SEMA6D: variants seen among roughly 807,000 people sequenced by gnomAD.
SEMA6D encodes semaphorin 6D, also known as semaphorin-6D.
SEMA6D carries 35 observed loss-of-function variants against 106.6 expected under a neutral mutation model. The observed-to-expected ratio is 0.33, with a 90% CI of 0.25 to 0.44. SEMA6D has a LOEUF of 0.44. Among genes scored for constraint, SEMA6D ranks in the 20% least tolerant of loss-of-function variants. The pLI is 1.00. For synonymous variants in SEMA6D, 499 were observed against 487.7 expected (o/e 1.02, Z -0.31); for missense variants, 1,185 against 1,345.9 (o/e 0.88, Z 1.87).
intron 1 of SEMA6D, among the ~76,000 whole-genome samples, chr15:47,348,727 C>CAGAGAGAGAGAGAGAGAGAG (rs55719976): frequency 0.012 from 670 of 56,966 alleles, 75 homozygotes; most frequent in Non-Finnish European, 0.019. Context: ...ACCACACACA[C>CAGAGAGAGAGAGAGAGAGAG]AGAGAGAGAG....
intron 1 of SEMA6D, among the ~76,000 whole-genome samples, chr15:47,735,670 G>A (rs1369199590): frequency 6.6e-6 from 1 of 152,142 alleles, no homozygotes; most frequent in South Asian, 2.1e-4. Context: ...AAGATCACAA[G>A]AGAATGTGAT....
At chr15:47,719,322 G>C (rs1210838179) in intron 1 of SEMA6D, among the ~76,000 whole-genome samples, 2 of 152,130 alleles carry the variant, frequency 1.3e-5, no homozygotes, top group African/African-American at 4.8e-5. Context: ...GCAGCACATC[G>C]TTACTATAGA....
intron 1 of SEMA6D, among the ~76,000 whole-genome samples, chr15:47,316,249 C>T (rs539813115): frequency 2.6e-4 from 39 of 151,858 alleles, no homozygotes; most frequent in African/African-American, 7.0e-4. Flanking sequence ...CCCGCCACCA[C>T]GCCTAGCTAA....
chr15:47,503,728 T>A (rs2043941928), intron 3 of SEMA6D, among the ~76,000 whole-genome samples: 1 of 148,216 alleles, frequency 6.7e-6, no homozygotes, highest in African/African-American at 2.5e-5. Context: ...TTCACACAAA[T>A]CCCTGTATGT....
At chr15:47,508,012 A>G (rs2141719817) in intron 3 of SEMA6D, among the ~76,000 whole-genome samples, 1 of 152,324 alleles carries the variant, frequency 6.6e-6, no homozygotes, top group East Asian at 1.9e-4. Flanking sequence ...TCAGTTCTTA[A>G]TATCATAACC....
intron 4 of SEMA6D, among the ~76,000 whole-genome samples, chr15:47,671,031 A>G (rs1364366982): frequency 6.6e-6 from 1 of 152,182 alleles, no homozygotes; most frequent in Non-Finnish European, 1.5e-5. Flanking sequence ...TTTTTATTCC[A>G]TTTTCAAAGA....
chr15:47,251,480 G>A (rs1467175205), intron 1 of SEMA6D, among the ~76,000 whole-genome samples: 3 of 152,246 alleles, frequency 2.0e-5, no homozygotes, highest in Admixed American at 6.5e-5. Context: ...CATATTGGCT[G>A]TTCTCTTCTG....
chr15:47,760,408 G>A lies in SEMA6D; in HGVS notation c.214G>A (p.Ala72Thr). Reference protein sequence around the residue: ...MLKIRDTLYIAGRDQVYTVNL... With the variant: ...MLKIRDTLYITGRDQVYTVNL... ...GAAAATTCGAGACACACTTTATATT[G>A]CTGGCAGGTAATTTTCCTCTCATTG... Residue 72 changes from alanine to threonine, a missense_variant, in exon 3 of 19, where the codon GCT becomes ACT. Physicochemically the swap from Ala to Thr is moderately conservative, Grantham distance 58. This residue lies in a region of SEMA6D where 144 missense variants were observed against 138.6 expected (regional missense o/e 1.04). Coordinates refer to ENST00000536845, the MANE Select transcript of SEMA6D (RefSeq NM_001358351.3). 6.2e-7 allele frequency: 1 copy of A among 1,611,924 alleles called. No homozygotes were observed. Among genetic ancestry groups the A allele is most frequent in the East Asian group, 2.2e-5 (1 of 44,816 alleles).
rs375100072 is a variant in SEMA6D, at chr15:47,766,646, C to T, written c.1677C>T (p.Phe559=). The change falls in exon 16 of 19, where the codon TTC becomes TTT. Residue 559 remains phenylalanine, a synonymous_variant. Transcript: ENST00000536845. ...LAEGYEQDTE[F]GNTAHLGDCH... ...AAGGATATGAACAAGACACAGAATT[C>T]GGCAACACAGCTCATCTAGGGGACT... 7.4e-6 allele frequency: 12 copies of T among 1,612,404 alleles called. No homozygotes were observed. Among genetic ancestry groups the T allele is most frequent in the Non-Finnish European group, 1.0e-5 (12 of 1,178,942 alleles).
chr15:47,682,313 G>A lies in SEMA6D; in HGVS notation c.-54-77432G>A, dbSNP rs145193700. The stretch of plus-strand genomic sequence containing the variant: ...CTCCCGAGTAGCTGGGACTACAGGT[G>A]CCCGCCACCGCGCCTGGCTAATTTT... On this transcript the variant is annotated intron_variant, in intron 4 of 19. Transcript: ENST00000558014. Among the ~76,000 whole-genome samples the A allele has an allele frequency of 8.2e-3, 1,247 of 152,136 alleles. 18 individuals are homozygous for A. The highest frequency in any genetic ancestry group is 0.029 in the African/African-American group (1,210 of 41,500).
intron 3 of SEMA6D, among the ~76,000 whole-genome samples, chr15:47,567,693 T>A (rs1039720483): frequency 1.3e-5 from 2 of 152,204 alleles, no homozygotes; most frequent in African/African-American, 4.8e-5. Flanking sequence ...TGTCTAATAT[T>A]ACAGTATATG....
chr15:47,629,272 C>T (rs1237973626), intron 4 of SEMA6D, among the ~76,000 whole-genome samples: 1 of 151,924 alleles, frequency 6.6e-6, no homozygotes, highest in Non-Finnish European at 1.5e-5. Context: ...TGTGCATTTT[C>T]ATGCAAATTT....
At chr15:47,468,944 G>A (rs1279216091) in intron 2 of SEMA6D, among the ~76,000 whole-genome samples, 1 of 152,078 alleles carries the variant, frequency 6.6e-6, no homozygotes. Context: ...GTTTTATGTA[G>A]AAAGTCCTGG....
At position 47,435,668 on chromosome 15, in the gene SEMA6D, G is replaced by C. The variant is rs184164619; in HGVS notation, c.-159+23196G>C. ...ATTCTTTCTGGGTAGAGGCACTACT[G>C]ACTGAGTTAAGTTTACCCTTTTCCC... is the stretch of plus-strand genomic sequence containing the variant. On this transcript the variant is annotated intron_variant, in intron 2 of 19. Coordinates refer to the SEMA6D transcript ENST00000558014. Among the ~76,000 whole-genome samples, 15 of 152,164 alleles carry C rather than the reference G, an allele frequency of 9.9e-5. No homozygotes were observed. The East Asian group carries it at 2.9e-3, about 30-fold the overall frequency.
chr15:47,287,626 C>A (rs2035427051), intron 1 of SEMA6D, among the ~76,000 whole-genome samples: 1 of 152,140 alleles, frequency 6.6e-6, no homozygotes, highest in Non-Finnish European at 1.5e-5. Flanking sequence ...CTAAATTGTT[C>A]CACATCCACA....
At chr15:47,533,266 A>G (rs1475949835) in intron 3 of SEMA6D, among the ~76,000 whole-genome samples, 1 of 152,250 alleles carries the variant, frequency 6.6e-6, no homozygotes, top group Non-Finnish European at 1.5e-5. Flanking sequence ...TTCAGGCAGT[A>G]TAGGTGTAAA....
intron 1 of SEMA6D, among the ~76,000 whole-genome samples, chr15:47,322,904 A>C (rs965810199): frequency 2.0e-5 from 3 of 152,160 alleles, no homozygotes; most frequent in Non-Finnish European, 4.4e-5. Context: ...GTCTAATTAA[A>C]AGTTGATGTA....
intron 4 of SEMA6D, among the ~76,000 whole-genome samples, chr15:47,662,656 C>T (rs1397744808): frequency 6.6e-6 from 1 of 152,128 alleles, no homozygotes; most frequent in Non-Finnish European, 1.5e-5. Flanking sequence ...TTTATTTCTT[C>T]TAAACTTATA....
At chr15:47,454,913 G>C (rs2042302531) in intron 2 of SEMA6D, among the ~76,000 whole-genome samples, 1 of 151,812 alleles carries the variant, frequency 6.6e-6, no homozygotes, top group African/African-American at 2.4e-5. Context: ...TTTATTAACT[G>C]TGTGAACTGG....
Sources: allele counts gnomAD v4.1 joint callset (sites outside exome capture counted in the v4.1 genomes callset), GRCh38; gene constraint gnomAD v4.1.1; regional missense constraint gnomAD v4.1.1; transcripts MANE v1.5; gene names NCBI Gene and HGNC (gene_info 2026-07-23, HGNC 2026-07-21).